Variants in UBE3C observed in about 807,000 individuals in gnomAD.
UBE3C encodes the protein ubiquitin-protein ligase E3C.
In UBE3C, 42 loss-of-function variants were observed where a neutral mutation model predicts 129.4. The observed-to-expected ratio is 0.32, with a 90% confidence interval of 0.25 to 0.42. The LOEUF (loss-of-function observed/expected upper bound fraction) is 0.42, where lower values mean the gene tolerates loss of function less well. Ranked by LOEUF, UBE3C falls within the 10% of genes least tolerant of loss-of-function variation. The probability of loss-of-function intolerance (pLI) is 1.00; values close to 1 mark genes in which losing one functional copy is unlikely to be tolerated. For synonymous variants in UBE3C, 510 were observed against 492.4 expected, an observed-to-expected ratio of 1.04 and a Z score of -0.47; for missense variants, 1,049 against 1,319.1, an observed-to-expected ratio of 0.80 and a Z score of 3.17.
chr7:157,222,196 AT>A (rs1324233798), intron 15 of UBE3C: 1 of 152,054 alleles, frequency 6.6e-6, no homozygotes, highest in Non-Finnish European at 1.5e-5. Flanking sequence ...TAGTTATTGA[AT>A]TTTGAGAGTT....
At chr7:157,243,489 G>A (rs574440373) in intron 18 of UBE3C, among the ~76,000 whole-genome samples, 158 of 152,324 alleles carry the variant, frequency 1.0e-3, no homozygotes, top group African/African-American at 3.7e-3. Context: ...AATGAGGAGT[G>A]AGTTCACCTC....
chr7:157,261,892 A>G (rs927746368), intron 22 of UBE3C, among the ~76,000 whole-genome samples: 1 of 152,240 alleles, frequency 6.6e-6, no homozygotes, highest in African/African-American at 2.4e-5. Flanking sequence ...TTCCCGTTGT[A>G]CTGTATTTAA....
intron 19 of UBE3C, 21 bp downstream of exon 19, chr7:157,248,601 T>C: frequency 6.2e-7 from 1 of 1,610,358 alleles, no homozygotes; most frequent in African/African-American, 1.3e-5. Context: ...AGGAGGAGGA[T>C]TCACATACCT....
chr7:157,245,531 C>T (rs1485306900), intron 18 of UBE3C, among the ~76,000 whole-genome samples: 3 of 152,238 alleles, frequency 2.0e-5, no homozygotes, highest in African/African-American at 7.2e-5. Flanking sequence ...ACTTTCTTTA[C>T]ATTATCAGGA....
intron 3 of UBE3C, among the ~76,000 whole-genome samples, 181 bp from the exon 4 acceptor site, chr7:157,170,123 T>TG (rs1808325623): frequency 1.3e-5 from 2 of 151,840 alleles, no homozygotes; most frequent in South Asian, 2.1e-4. Flanking sequence ...CCTGGTTTTT[T>TG]TTTTTTTTTT....
At chr7:157,231,424 G>T in intron 18 of UBE3C, 97 bp downstream of exon 18, 1 of 1,523,780 alleles carries the variant, frequency 6.6e-7, no homozygotes. Flanking sequence ...ATAAAATACT[G>T]TTTGTTTTAA....
In UBE3C at chr7:157,192,547, TTCA is replaced by T. The variant is rs1416107446; in HGVS notation, c.1331+5527_1331+5529del. On this transcript the variant is annotated intron_variant, in intron 10 of 22. Coordinates refer to ENST00000348165, the MANE Select transcript of UBE3C (RefSeq NM_014671.3). ...ATGGATGTACTGTCTGACTACAACATTCAAAAGGAGCTTACTCTTCATCTTGTG... is the reference window on the plus strand; with the variant it reads ...ATGGATGTACTGTCTGACTACAACATAAAGGAGCTTACTCTTCATCTTGTG... 4 of 764,654 alleles carry T rather than the reference TTCA, an allele frequency of 5.2e-6. No individual in the cohort carries two copies. In the African/African-American group the frequency reaches 6.8e-5, roughly 13 times the overall value. 47.4% of individuals were successfully genotyped at this position (764,654 alleles called of 1,614,324 possible).
At chr7:157,171,781 A>C (rs2116890255) in intron 4 of UBE3C, among the ~76,000 whole-genome samples, 1 of 134,188 alleles carries the variant, frequency 7.5e-6, no homozygotes, top group South Asian at 2.4e-4. Context: ...ATCTCGGCTC[A>C]CTGTAACCTC....
chr7:157,227,495 G>A (rs1054909556), intron 17 of UBE3C, among the ~76,000 whole-genome samples: 1 of 152,022 alleles, frequency 6.6e-6, no homozygotes, highest in Non-Finnish European at 1.5e-5. Flanking sequence ...TCAGGAGATC[G>A]AGACCAGCCT....
intron 1 of UBE3C, among the ~76,000 whole-genome samples, chr7:157,156,844 A>G (rs931096248): frequency 1.3e-5 from 2 of 152,076 alleles, no homozygotes; most frequent in Non-Finnish European, 2.9e-5. Context: ...TTAAAGAGCT[A>G]TATGATATTC....
At chr7:157,255,552 C>T (rs543299887) in intron 21 of UBE3C, among the ~76,000 whole-genome samples, 1 of 152,154 alleles carries the variant, frequency 6.6e-6, no homozygotes, top group Non-Finnish European at 1.5e-5. Flanking sequence ...GAAATGAAAT[C>T]AGTCTGACCT....
chr7:157,225,606 G>A (rs1795853985), intron 17 of UBE3C, 67 bp downstream of exon 17: 2 of 1,464,284 alleles, frequency 1.4e-6, no homozygotes, highest in Admixed American at 5.2e-5. Flanking sequence ...AGAAAATGGT[G>A]GTTCTTTAAA....
At chr7:157,267,434 CA>C in intron 22 of UBE3C, 150 bp from the exon 23 acceptor site, 1 of 968,882 alleles carries the variant, frequency 1.0e-6, no homozygotes, top group Non-Finnish European at 1.5e-6. Flanking sequence ...AGAAAACAAA[CA>C]ACAACAACAA....
chr7:157,258,068 C>T (rs1453536789), intron 22 of UBE3C, among the ~76,000 whole-genome samples: 1 of 151,810 alleles, frequency 6.6e-6, no homozygotes, highest in African/African-American at 2.4e-5. Flanking sequence ...CCACCTCAGC[C>T]TCCCAAGTAG....
At chr7:157,144,428 T>G (rs1442001514) in intron 1 of UBE3C, among the ~76,000 whole-genome samples, 1 of 152,012 alleles carries the variant, frequency 6.6e-6, no homozygotes, top group Admixed American at 6.5e-5. Context: ...AAACTTAAGT[T>G]TATAGACTGG....
chr7:157,238,239 G>A (rs1313811389), intron 18 of UBE3C, among the ~76,000 whole-genome samples: 4 of 152,152 alleles, frequency 2.6e-5, no homozygotes, highest in South Asian at 2.1e-4. Flanking sequence ...TGGAGGTCAC[G>A]CTCTGGAGTA....
intron 21 of UBE3C, 44 bp from the exon 22 acceptor site, chr7:157,256,870 G>A (rs1482038639): frequency 6.2e-7 from 1 of 1,611,010 alleles, no homozygotes; most frequent in Non-Finnish European, 8.5e-7. Flanking sequence ...CTGAAGGGTG[G>A]GTGTGCTTTG....
At chr7:157,264,829 C>G (rs950543766) in intron 22 of UBE3C, among the ~76,000 whole-genome samples, 9 of 152,196 alleles carry the variant, frequency 5.9e-5, no homozygotes, top group African/African-American at 1.9e-4. Flanking sequence ...GTTGTGGCCT[C>G]CCAAAATGCT....
At position 157,199,240 on chromosome 7, in the gene UBE3C, A is replaced by G. The variant is rs558414720; in HGVS notation, c.1332-2481A>G. 4.6e-5 allele frequency among the ~76,000 whole-genome samples: 7 copies of G among 152,320 alleles called. No homozygotes were observed. In the South Asian group the frequency reaches 1.0e-3, roughly 23 times the overall value. On this transcript the variant is annotated intron_variant, in intron 10 of 22. Coordinates refer to ENST00000348165, the MANE Select transcript of UBE3C (RefSeq NM_014671.3). ...AATAATACCTTTTCAAATTATTTTG[A>G]AAGTTCGTATTTTTCGTAGCTTTTT...
Sources: allele counts gnomAD v4.1 joint callset (sites outside exome capture counted in the v4.1 genomes callset), GRCh38; gene constraint gnomAD v4.1.1; transcripts MANE v1.5; gene names NCBI Gene and HGNC (gene_info 2026-07-23, HGNC 2026-07-21).